BCAS3: variants seen among roughly 807,000 people sequenced by gnomAD.
BCAS3 encodes BCAS3 microtubule associated cell migration factor.
A neutral mutation model predicts 116.1 loss-of-function variants in BCAS3; 53 were observed. The observed-to-expected ratio is 0.46, with a 90% CI of 0.37 to 0.57. The LOEUF (loss-of-function observed/expected upper bound fraction) is 0.57, where lower values mean the gene tolerates loss of function less well. Ranked by LOEUF, BCAS3 falls within the 20% of genes least tolerant of loss-of-function variation. The pLI, the probability that BCAS3 is intolerant of heterozygous loss-of-function variation, is 0.00. For synonymous variants in BCAS3, 391 were observed against 408.2 expected (o/e 0.96, Z 0.51); for missense variants, 917 against 1,165.4 (o/e 0.79, Z 3.10).
At chr17:61,342,108 A>C (rs1186829469) in intron 22 of BCAS3, among the ~76,000 whole-genome samples, 2 of 152,018 alleles carry the variant, frequency 1.3e-5, no homozygotes, top group African/African-American at 4.8e-5. Flanking sequence ...GGTTCAAGCA[A>C]TTCTCCTGCC....
At position 61,269,770 on chromosome 17, in the gene BCAS3, C is replaced by G. The variant is rs537241521; in HGVS notation, c.2426-98557C>G. On this transcript the variant is annotated intron_variant, in intron 22 of 23. Transcript: ENST00000407086. ...TTTGCAGTTATTCTTGGATTAATGT[C>G]TATTCAATTCCTTTGGCCTTTTTCT... Among the ~76,000 whole-genome samples the G allele has an allele frequency of 1.4e-4, 21 of 149,696 alleles. 1 individual carries two copies. The South Asian group carries it at 4.1e-3, about 29-fold the overall frequency.
intron 7 of BCAS3, among the ~76,000 whole-genome samples, chr17:60,852,682 C>T (rs1281128013): frequency 6.6e-6 from 1 of 152,012 alleles, no homozygotes; most frequent in Non-Finnish European, 1.5e-5. Flanking sequence ...ATACACATGG[C>T]AAATAAGCAT....
chr17:60,938,954 A>G (rs1006668711), intron 13 of BCAS3, among the ~76,000 whole-genome samples: 6 of 152,332 alleles, frequency 3.9e-5, no homozygotes, highest in African/African-American at 4.8e-5. Flanking sequence ...TGGTGAAGTT[A>G]TGGAGCTTGT....
At chr17:61,341,094 G>A (rs1313856595) in intron 22 of BCAS3, among the ~76,000 whole-genome samples, 1 of 152,208 alleles carries the variant, frequency 6.6e-6, no homozygotes, top group East Asian at 1.9e-4. Context: ...TGTTAGAGTG[G>A]CAGTGAAGCA....
chr17:60,825,498 AATAATTAT>A (rs1374331924), intron 7 of BCAS3, among the ~76,000 whole-genome samples: 1 of 147,570 alleles, frequency 6.8e-6, no homozygotes, highest in Non-Finnish European at 1.5e-5. Context: ...ATTTATAAAT[AATAATTAT>A]TTATAATAAT....
intron 13 of BCAS3, among the ~76,000 whole-genome samples, chr17:60,926,879 A>C (rs1411404678): frequency 6.6e-6 from 1 of 152,178 alleles, no homozygotes; most frequent in Non-Finnish European, 1.5e-5. Flanking sequence ...TTGTCCTCTC[A>C]CATTTGTGTT....
chr17:61,178,854 A>C (rs560876866), intron 22 of BCAS3, among the ~76,000 whole-genome samples: 6 of 152,322 alleles, frequency 3.9e-5, no homozygotes, highest in African/African-American at 1.4e-4. Flanking sequence ...GAACAAATGA[A>C]GTTTACGTAC....
At chr17:61,075,917 G>GT (rs948490561) in intron 20 of BCAS3, among the ~76,000 whole-genome samples, 77 of 151,566 alleles carry the variant, frequency 5.1e-4, no homozygotes, top group African/African-American at 1.5e-3. Context: ...TGGCTAATTT[G>GT]TTTTTTTTGT....
chr17:61,038,686 T>C (rs1195253286), intron 18 of BCAS3, among the ~76,000 whole-genome samples: 1 of 126,242 alleles, frequency 7.9e-6, no homozygotes, highest in Non-Finnish European at 1.5e-5. Flanking sequence ...TTTTTTTTTT[T>C]TGGAGACAGT....
chr17:60,777,124 C>T (rs997439279), intron 6 of BCAS3, among the ~76,000 whole-genome samples: 3 of 151,820 alleles, frequency 2.0e-5, no homozygotes, highest in African/African-American at 7.3e-5. Context: ...CTAAAATCAG[C>T]AAGTATCAGG....
chr17:61,358,294 A>C (rs1382909521), intron 22 of BCAS3, among the ~76,000 whole-genome samples: 1 of 152,148 alleles, frequency 6.6e-6, no homozygotes, highest in Non-Finnish European at 1.5e-5. Context: ...AAAGAATTCT[A>C]ATTATAAACA....
intron 14 of BCAS3, among the ~76,000 whole-genome samples, chr17:60,976,905 G>A (rs1462500402): frequency 1.3e-5 from 2 of 151,910 alleles, no homozygotes; most frequent in African/African-American, 2.4e-5. Context: ...TTTTCTATTC[G>A]ACAAAACCGC....
At chr17:60,987,428 G>A (rs529262710) in intron 14 of BCAS3, among the ~76,000 whole-genome samples, 37 of 151,690 alleles carry the variant, frequency 2.4e-4, no homozygotes, top group African/African-American at 8.9e-4. Flanking sequence ...GATTGCTTAG[G>A]GTAGTATAGA....
intron 19 of BCAS3, among the ~76,000 whole-genome samples, chr17:61,055,010 T>G (rs1490618431): frequency 1.3e-5 from 2 of 152,200 alleles, no homozygotes; most frequent in Non-Finnish European, 2.9e-5. Flanking sequence ...TCACGTAAGT[T>G]TAAGGTTATT....
chr17:60,710,492 C>T (rs60883189), intron 5 of BCAS3, among the ~76,000 whole-genome samples: 2,804 of 147,680 alleles, frequency 0.019, 79 homozygotes, highest in African/African-American at 0.065. Flanking sequence ...AGTGCAGTGG[C>T]GCAATCTCGG....
Position 60,802,295 on chromosome 17 carries a change from A to AAAAAT in BCAS3, c.404-5708_404-5707insAAATA, listed in dbSNP as rs1299403402. Among the ~76,000 whole-genome samples, 449 of 127,900 alleles carry AAAAAT rather than the reference A, an allele frequency of 3.5e-3. 4 individuals are homozygous for AAAAAT. Among genetic ancestry groups the AAAAAT allele is most frequent in the African/African-American group, 0.014 (391 of 27,504 alleles). The allele number at this position is 127,900 out of a possible 152,430, so 83.9% of individuals were successfully genotyped here. A position where few individuals can be genotyped will look rare whatever the true frequency, so the allele number is the denominator to read the frequency against. Reference sequence around the variant, plus strand: ...TGAGACTCTGTCTCAAAAAAAAAAAAATATATATATATATATATATATGCA... The same window carrying AAAAAT: ...TGAGACTCTGTCTCAAAAAAAAAAAAAAAATATATATATATATATATATATATGCA... On this transcript the variant is annotated intron_variant, in intron 6 of 23. Transcript: ENST00000407086.
At chr17:60,817,915 C>T (rs553154677) in intron 7 of BCAS3, among the ~76,000 whole-genome samples, 2 of 149,330 alleles carry the variant, frequency 1.3e-5, no homozygotes, top group Non-Finnish European at 3.0e-5. Flanking sequence ...AGTGCAGTGG[C>T]GTGATCTTGG....
chr17:60,778,676 A>G (rs1358834336), intron 6 of BCAS3, among the ~76,000 whole-genome samples: 1 of 152,184 alleles, frequency 6.6e-6, no homozygotes, highest in Non-Finnish European at 1.5e-5. Context: ...TAAATCTTTA[A>G]AGGAACTAGA....
Position 60,947,842 on chromosome 17 carries a change from C to G in BCAS3, c.1221+490C>G, listed in dbSNP as rs1337136980. On this transcript the variant is annotated intron_variant, in intron 14 of 23. Transcript: ENST00000407086. ...ACCAGTTGCGCACATCCCTCCTTGG[C>G]ACGGTATTTAGTGATATTATTTTGA... Among the ~76,000 whole-genome samples the G allele has an allele frequency of 4.6e-5, 7 of 152,108 alleles. No homozygotes were observed. The East Asian group carries it at 1.3e-3, about 29-fold the overall frequency.
Sources: gnomAD v4.1 joint callset for allele counts (sites outside exome capture counted in the v4.1 genomes callset) on GRCh38, gnomAD v4.1.1 for gene constraint, MANE v1.5 for transcripts, NCBI Gene and HGNC (gene_info 2026-07-23, HGNC 2026-07-21) for gene names.